MTUS2: variants seen among roughly 807,000 people sequenced by gnomAD.
MTUS2 encodes microtubule associated scaffold protein 2.
A neutral mutation model predicts 114.1 loss-of-function variants in MTUS2; 40 were observed. That is an observed-to-expected ratio of 0.35 (90% CI 0.27 to 0.46). The LOEUF (loss-of-function observed/expected upper bound fraction) is 0.46, where lower values mean the gene tolerates loss of function less well. Among genes scored for constraint, MTUS2 ranks in the 20% least tolerant of loss-of-function variants. The pLI, the probability that MTUS2 is intolerant of heterozygous loss-of-function variation, is 1.00. For synonymous variants in MTUS2, 688 were observed against 672.0 expected, an observed-to-expected ratio of 1.02 and a Z score of -0.37; for missense variants, 1,679 against 1,705.4, an observed-to-expected ratio of 0.98 and a Z score of 0.27.
intron 5 of MTUS2, among the ~76,000 whole-genome samples, chr13:29,208,576 T>C (rs949066758): frequency 6.6e-6 from 1 of 152,110 alleles, no homozygotes; most frequent in African/African-American, 2.4e-5. Context: ...CTCCGAACTT[T>C]CTTTCCTCTT....
chr13:28,946,415 A>G (rs1302504453), intron 2 of MTUS2, among the ~76,000 whole-genome samples: 1 of 152,130 alleles, frequency 6.6e-6, no homozygotes, highest in African/African-American at 2.4e-5. Context: ...AAGCTGAGGT[A>G]ATTCACAAAT....
At chr13:29,031,757 A>G (rs577320468) in intron 3 of MTUS2, among the ~76,000 whole-genome samples, 4 of 151,696 alleles carry the variant, frequency 2.6e-5, no homozygotes, top group Admixed American at 6.6e-5. Context: ...GGGTATTGCA[A>G]CCCCACCAAG....
chr13:29,199,181 G>A (rs1172197132), intron 5 of MTUS2, among the ~76,000 whole-genome samples: 2 of 152,132 alleles, frequency 1.3e-5, no homozygotes, highest in Non-Finnish European at 2.9e-5. Flanking sequence ...CATGCTACCT[G>A]ACTTGAAACT....
chr13:29,199,768 T>C (rs1383346534), intron 5 of MTUS2, among the ~76,000 whole-genome samples: 1 of 152,136 alleles, frequency 6.6e-6, no homozygotes, highest in Non-Finnish European at 1.5e-5. Flanking sequence ...GAAGGAATGG[T>C]ACCAGCTCCT....
chr13:29,310,690 G>A (rs1176473432), intron 6 of MTUS2, among the ~76,000 whole-genome samples: 6 of 152,202 alleles, frequency 3.9e-5, no homozygotes, highest in Admixed American at 6.5e-5. Flanking sequence ...AAATCACAGC[G>A]AGGTGTATAT....
chr13:28,896,857 A>G (rs184747608), intron 2 of MTUS2, among the ~76,000 whole-genome samples: 1 of 152,370 alleles, frequency 6.6e-6, no homozygotes, highest in Non-Finnish European at 1.5e-5. Context: ...TTATGTAGAA[A>G]GCTGAAACTG....
intron 2 of MTUS2, among the ~76,000 whole-genome samples, chr13:28,863,493 A>G (rs1428548099): frequency 6.6e-6 from 1 of 152,088 alleles, no homozygotes; most frequent in Non-Finnish European, 1.5e-5. Context: ...GTAAGAGGGT[A>G]TTAGTAAACA....
At chr13:29,061,957 T>TA (rs1268973692) in intron 4 of MTUS2, among the ~76,000 whole-genome samples, 1 of 152,224 alleles carries the variant, frequency 6.6e-6, no homozygotes, top group Non-Finnish European at 1.5e-5. Context: ...GGCTATTTTT[T>TA]ATGATTGTTT....
At chr13:28,892,541 G>T (rs1878994907) in intron 2 of MTUS2, among the ~76,000 whole-genome samples, 1 of 152,124 alleles carries the variant, frequency 6.6e-6, no homozygotes, top group Non-Finnish European at 1.5e-5. Flanking sequence ...AAAAAAATTT[G>T]TGCTATTTTG....
At chr13:29,323,255 CT>C (rs60638556) in intron 6 of MTUS2, among the ~76,000 whole-genome samples, 1,965 of 142,878 alleles carry the variant, frequency 0.014, 37 homozygotes, top group African/African-American at 0.044. Flanking sequence ...TATGATGTGG[CT>C]TTTTTTTTTT....
At chr13:29,109,390 A>G (rs1890795581) in intron 5 of MTUS2, among the ~76,000 whole-genome samples, 1 of 152,102 alleles carries the variant, frequency 6.6e-6, no homozygotes, top group African/African-American at 2.4e-5. Flanking sequence ...TTAATAATCA[A>G]CCCCATGCTG....
intron 5 of MTUS2, among the ~76,000 whole-genome samples, chr13:29,121,120 A>G (rs1336213104): frequency 1.3e-5 from 2 of 152,212 alleles, no homozygotes; most frequent in African/African-American, 4.8e-5. Context: ...AGGTAACAAT[A>G]TAGACATTTT....
rs1273646586 is a variant in MTUS2 at position 28,835,276 on chromosome 13, GATAA to G, written c.-315-4497_-315-4494del. ...CCAAATGTCCATTAACTGATTAATAGATAAATAAGATATGGCTTATTCATACAAT... is the reference window on the plus strand; with the variant it reads ...CCAAATGTCCATTAACTGATTAATAGATAAGATATGGCTTATTCATACAAT... On this transcript the variant is annotated intron_variant, in intron 1 of 15. Coordinates refer to ENST00000612955, the MANE Select transcript of MTUS2 (RefSeq NM_001033602.4). Among the ~76,000 whole-genome samples, 3 of 152,306 alleles carry G rather than the reference GATAA, an allele frequency of 2.0e-5. No homozygotes were observed. In the East Asian group the frequency reaches 5.8e-4, roughly 29 times the overall value.
At chr13:29,297,937 C>G (rs1214102166) in intron 6 of MTUS2, among the ~76,000 whole-genome samples, 1 of 152,128 alleles carries the variant, frequency 6.6e-6, no homozygotes, top group African/African-American at 2.4e-5. Context: ...CTCAAGTATT[C>G]CTGAAACTTA....
intron 5 of MTUS2, among the ~76,000 whole-genome samples, chr13:29,274,406 G>C (rs955839274): frequency 6.6e-6 from 1 of 151,944 alleles, no homozygotes; most frequent in Non-Finnish European, 1.5e-5. Flanking sequence ...CACCACGCCT[G>C]GCCAACTCTA....
intron 5 of MTUS2, among the ~76,000 whole-genome samples, chr13:29,211,322 G>GT (rs1421982794): frequency 2.6e-5 from 4 of 152,238 alleles, no homozygotes; most frequent in Non-Finnish European, 5.9e-5. Flanking sequence ...CTCCCACCAT[G>GT]TCCCCCCAAC....
intron 7 of MTUS2, among the ~76,000 whole-genome samples, chr13:29,355,005 G>GTGAAT (rs1349139613): frequency 2.0e-5 from 3 of 152,188 alleles, no homozygotes; most frequent in African/African-American, 7.2e-5. Context: ...TATCTATGGT[G>GTGAAT]TGAAGGTCAT....
In MTUS2 at chr13:29,389,467, G is replaced by A. The variant is rs1320845894; in HGVS notation, c.3117+29994G>A. ...TGTATGTATACACGTGTGTGTATGT[G>A]TATATGTATACACGTGTGTGTATGT... On this transcript the variant is annotated intron_variant, in intron 8 of 15. Coordinates refer to ENST00000612955, the MANE Select transcript of MTUS2 (RefSeq NM_001033602.4). Among the ~76,000 whole-genome samples the A allele has an allele frequency of 3.4e-4, 25 of 74,048 alleles. 2 individuals are homozygous for A. The highest frequency in any genetic ancestry group is 1.3e-3 in the Admixed American group (9 of 6,980). 48.6% of individuals were successfully genotyped at this position (74,048 alleles called of 152,430 possible).
intron 2 of MTUS2, among the ~76,000 whole-genome samples, chr13:28,933,118 A>AACACACACACACAC (rs59162969): frequency 1.0e-4 from 15 of 145,218 alleles, no homozygotes; most frequent in Non-Finnish European, 2.3e-4. Flanking sequence ...GGAGAATCAG[A>AACACACACACACAC]ACACACACAC....
Sources: gnomAD v4.1 joint callset for allele counts (sites outside exome capture counted in the v4.1 genomes callset) on GRCh38, gnomAD v4.1.1 for gene constraint, MANE v1.5 for transcripts, NCBI Gene and HGNC (gene_info 2026-07-23, HGNC 2026-07-21) for gene names.